The following CYP27A1 variants were observed in gnomAD, a reference collection of about 807,000 sequenced individuals.
CYP27A1 encodes cytochrome P450 family 27 subfamily A member 1, also known as sterol 26-hydroxylase, mitochondrial.
CYP27A1 carries 46 observed loss-of-function variants against 58.2 expected under a neutral mutation model. That is an observed-to-expected ratio of 0.79 (90% CI 0.62 to 1.01). CYP27A1 has a LOEUF of 1.01. Ranked by LOEUF, CYP27A1 falls within the 50% of genes least tolerant of loss-of-function variation. The probability of loss-of-function intolerance (pLI) is 0.00; values close to 1 mark genes in which losing one functional copy is unlikely to be tolerated. For missense variants in CYP27A1, 704 were observed against 687.0 expected, an observed-to-expected ratio of 1.02 and a Z score of -0.28; for synonymous variants, 274 against 285.1, an observed-to-expected ratio of 0.96 and a Z score of 0.39.
Position 218,812,581 on chromosome 2 carries a change from A to G in CYP27A1, c.676A>G (p.Ile226Val). Residue 226 changes from isoleucine to valine, a missense_variant, in exon 4 of 9, where the codon ATT becomes GTT. By Grantham distance (29) the Ile-to-Val change is conservative. Transcript: ENST00000258415. The part of the protein sequence containing the change: ...AICYILFEKR[I>V]GCLQRSIPED... ...TTGCTACATCCTGTTCGAGAAACGC[A>G]TTGGCTGCCTGCAGCGATCCATCCC... is the stretch of plus-strand genomic sequence containing the variant. 2 of 1,614,136 alleles carry G rather than the reference A, an allele frequency of 1.2e-6. No individual in the cohort carries two copies. The highest frequency in any genetic ancestry group is 1.7e-6 in the Non-Finnish European group (2 of 1,180,032).
rs746269951 is a variant in CYP27A1 at position 218,814,116 on chromosome 2, C to T, written c.1113C>T (p.Ala371=). 24 of 1,614,118 alleles carry T rather than the reference C, an allele frequency of 1.5e-5. No homozygotes were observed. Among genetic ancestry groups the T allele is most frequent in the South Asian group, 3.3e-5 (3 of 91,096 alleles). Residue 371 remains alanine (A), a synonymous_variant, in exon 6 of 9, where the codon GCC becomes GCT. Coordinates refer to ENST00000258415, the MANE Select transcript of CYP27A1 (RefSeq NM_000784.4). ...AGGAAGTGGTGGGTGTGGTGCCAGC[C>T]GGGCAAGTGCCCCAGCACAAGGACT... is the stretch of plus-strand genomic sequence containing the variant. ...LHEEVVGVVP[A]GQVPQHKDFA...
At chr2:218,805,255 G>A (rs896244405) in intron 1 of CYP27A1, among the ~76,000 whole-genome samples, 1 of 152,088 alleles carries the variant, frequency 6.6e-6, no homozygotes, top group Non-Finnish European at 1.5e-5. Flanking sequence ...AGTTTCCTAC[G>A]TATCCTCTTC....
intron 5 of CYP27A1, 28 bp downstream of exon 5, chr2:218,813,124 G>A (rs763151955): frequency 6.9e-6 from 11 of 1,587,406 alleles, no homozygotes; most frequent in Non-Finnish European, 7.7e-6. Flanking sequence ...GTGAGACCAG[G>A]GGCCCCCAGC....
At chr2:218,791,971 G>T (rs145371007) in intron 1 of CYP27A1, among the ~76,000 whole-genome samples, 2 of 152,040 alleles carry the variant, frequency 1.3e-5, no homozygotes, top group South Asian at 2.1e-4. Flanking sequence ...ATCAGCTAGC[G>T]AAATGTACCT....
At chr2:218,795,496 C>T (rs569731467) in intron 1 of CYP27A1, among the ~76,000 whole-genome samples, 1 of 152,206 alleles carries the variant, frequency 6.6e-6, no homozygotes, top group South Asian at 2.1e-4. Flanking sequence ...TGGTTAGCTC[C>T]CTTGGTCTTC....
Position 218,815,119 on chromosome 2 carries a change from G to A in CYP27A1, c.*89G>A. Reference sequence around the variant, plus strand: ...CTGCTGCCATGTCTCAGATGAGGAGGGAGAGAAGGAGGCCGCCAGACTCGA... The same window carrying A: ...CTGCTGCCATGTCTCAGATGAGGAGAGAGAGAAGGAGGCCGCCAGACTCGA... On this transcript the variant is annotated 3_prime_UTR_variant, in exon 9 of 9. Coordinates refer to ENST00000258415, the MANE Select transcript of CYP27A1 (RefSeq NM_000784.4). 3.9e-6 allele frequency: 6 copies of A among 1,541,382 alleles called. No homozygotes were observed. Among genetic ancestry groups the A allele is most frequent in the South Asian group, 1.1e-5 (1 of 88,426 alleles).
Position 218,782,362 on chromosome 2 carries a change from T to G in CYP27A1, c.180T>G (p.Ile60Met). The G allele has an allele frequency of 6.2e-7, 1 of 1,614,154 alleles. No individual in the cohort carries two copies. Among genetic ancestry groups the G allele is most frequent in the Non-Finnish European group, 8.5e-7 (1 of 1,179,990 alleles). ...GGCGGCAACGGAGCTTAGAGGAGATTCCACGTCTAGGACAGCTGCGCTTCT... is the reference window on the plus strand; with the variant it reads ...GGCGGCAACGGAGCTTAGAGGAGATGCCACGTCTAGGACAGCTGCGCTTCT... ...VRRRQRSLEE[I>M]PRLGQLRFFF... The change falls in exon 1 of 9, where the codon ATT becomes ATG. Residue 60 changes from isoleucine (I) to methionine (M), a missense_variant. Coordinates refer to ENST00000258415, the MANE Select transcript of CYP27A1 (RefSeq NM_000784.4). This position sits in a 1 kb window ranked among gnomAD's most constrained non-coding sequence, Gnocchi z 4.1.
intron 1 of CYP27A1, among the ~76,000 whole-genome samples, chr2:218,789,517 G>C (rs2105971564): frequency 6.6e-6 from 1 of 152,282 alleles, no homozygotes. Context: ...TTACAGCTTG[G>C]CATTAGCCTA....
Position 218,815,023 on chromosome 2 carries a change from A to C in CYP27A1, c.1589A>C (p.Gln530Pro). ...GTGGGCCTGCAGTTCCTGCAGAGAC[A>C]GTGCTGAGCTGAGTCTCCGCCTTGC... ...KKVGLQFLQRQC is the reference protein window; with the variant it reads ...KKVGLQFLQRPC The change falls in exon 9 of 9, where the codon CAG becomes CCG. Residue 530 changes from glutamine (Q) to proline (P), a missense_variant. Coordinates refer to ENST00000258415, the MANE Select transcript of CYP27A1 (RefSeq NM_000784.4). The C allele has an allele frequency of 6.2e-7, 1 of 1,614,238 alleles. No individual in the cohort carries two copies. Among genetic ancestry groups the C allele is most frequent in the East Asian group, 2.2e-5 (1 of 44,886 alleles).
chr2:218,801,784 T>C (rs1943602023), intron 1 of CYP27A1, among the ~76,000 whole-genome samples: 1 of 152,072 alleles, frequency 6.6e-6, no homozygotes, highest in South Asian at 2.1e-4. Flanking sequence ...TTGAATTGTG[T>C]ATTCATACAT....
rs1365181724 is a variant in CYP27A1 at position 218,815,016 on chromosome 2, CAG to C, written c.1586_1587del (p.Arg529ThrfsTer5). 6.2e-7 allele frequency: 1 copy of C among 1,614,088 alleles called. No homozygotes were observed. The highest frequency in any genetic ancestry group is 8.5e-7 in the Non-Finnish European group (1 of 1,180,038). Reference sequence around the variant, plus strand: ...TAAGAAAGTGGGCCTGCAGTTCCTGCAGAGACAGTGCTGAGCTGAGTCTCCGC... The same window carrying C: ...TAAGAAAGTGGGCCTGCAGTTCCTGCAGACAGTGCTGAGCTGAGTCTCCGC... ...PNKKVGLQFL[Q>X]RQC is the part of the protein sequence containing the mutation. On this transcript the variant is annotated frameshift_variant, in exon 9 of 9. Transcript: ENST00000258415. LOFTEE classifies it high-confidence loss of function.
chr2:218,810,526 G>A (rs951726011), intron 2 of CYP27A1, among the ~76,000 whole-genome samples: 7 of 151,900 alleles, frequency 4.6e-5, no homozygotes, highest in Non-Finnish European at 1.0e-4. Context: ...AGATGACTGG[G>A]GAAAAAAAGC....
intron 1 of CYP27A1, among the ~76,000 whole-genome samples, chr2:218,796,438 AC>A (rs1943548796): frequency 2.6e-5 from 4 of 152,168 alleles, no homozygotes; most frequent in Admixed American, 6.5e-5. Flanking sequence ...TACTAAAAAT[AC>A]AAAAATTAGC....
chr2:218,803,496 G>GCT (rs1943619463), intron 1 of CYP27A1, among the ~76,000 whole-genome samples: 1 of 151,854 alleles, frequency 6.6e-6, no homozygotes, highest in South Asian at 2.1e-4. Context: ...TGCGATCTTG[G>GCT]CACTGCAACC....
At chr2:218,784,246 T>C (rs1205727493) in intron 1 of CYP27A1, among the ~76,000 whole-genome samples, 1 of 152,178 alleles carries the variant, frequency 6.6e-6, no homozygotes, top group East Asian at 1.9e-4. Context: ...CTTGGGGATG[T>C]GAAAATAAAT....
chr2:218,796,176 T>G (rs1349414876), intron 1 of CYP27A1, among the ~76,000 whole-genome samples: 1 of 152,226 alleles, frequency 6.6e-6, no homozygotes. Context: ...GCTTGACTCC[T>G]TAAAGGGAAG....
chr2:218,802,635 C>A (rs1250509502), intron 1 of CYP27A1, among the ~76,000 whole-genome samples: 1 of 152,174 alleles, frequency 6.6e-6, no homozygotes, highest in African/African-American at 2.4e-5. Flanking sequence ...AGAGAGACAG[C>A]CGATGTTTTC....
intron 1 of CYP27A1, among the ~76,000 whole-genome samples, chr2:218,783,654 T>G (rs1247815935): frequency 6.6e-6 from 1 of 151,964 alleles, no homozygotes; most frequent in Non-Finnish European, 1.5e-5. Context: ...AAAGTTAACT[T>G]CACAGAGAGA....
intron 1 of CYP27A1, among the ~76,000 whole-genome samples, chr2:218,795,998 G>T (rs1326475119): frequency 6.6e-6 from 1 of 152,216 alleles, no homozygotes; most frequent in East Asian, 1.9e-4. Context: ...TGTGAGTTGG[G>T]TGATCCTCTC....
Sources: gnomAD v4.1 joint callset for allele counts (sites outside exome capture counted in the v4.1 genomes callset) on GRCh38, gnomAD v4.1.1 for gene constraint, Gnocchi (gnomAD v3.1) non-coding constraint, MANE v1.5 for transcripts, NCBI Gene and HGNC (gene_info 2026-07-23, HGNC 2026-07-21) for gene names.